RNF216: variants seen among roughly 807,000 people sequenced by gnomAD.
RNF216 encodes ring finger protein 216.
A neutral mutation model predicts 110.8 loss-of-function variants in RNF216; 72 were observed. The ratio of observed to expected loss-of-function variants is 0.65; its 90% confidence interval spans 0.54 to 0.79. The LOEUF is 0.79. RNF216 is among the 30% of genes least tolerant of loss of function. The pLI, the probability that RNF216 is intolerant of heterozygous loss-of-function variation, is 0.00. For missense variants in RNF216, 1,342 were observed against 1,141.2 expected, an observed-to-expected ratio of 1.18 and a Z score of -2.54; for synonymous variants, 495 against 407.5, an observed-to-expected ratio of 1.21 and a Z score of -2.59.
At chr7:5,643,439 C>T (rs1202098655) in intron 14 of RNF216, among the ~76,000 whole-genome samples, 1 of 151,572 alleles carries the variant, frequency 6.6e-6, no homozygotes, top group Non-Finnish European at 1.5e-5. Flanking sequence ...GAAGAGAAGC[C>T]GGAGCTGTGA....
chr7:5,711,990 G>C (rs1336529697), intron 12 of RNF216, 151 bp from the exon 13 acceptor site: 10 of 642,770 alleles, frequency 1.6e-5, no homozygotes, highest in Middle Eastern at 7.8e-4. Flanking sequence ...AACACAGATT[G>C]AACCTCTTCT....
intron 13 of RNF216, among the ~76,000 whole-genome samples, chr7:5,706,143 C>G (rs1372171545): frequency 3.3e-5 from 5 of 151,134 alleles, no homozygotes; most frequent in Non-Finnish European, 7.4e-5. Flanking sequence ...TCGCTTGCAC[C>G]CGGAAGGTGG....
intron 15 of RNF216, among the ~76,000 whole-genome samples, chr7:5,630,997 G>C (rs1448847725): frequency 6.6e-6 from 1 of 152,170 alleles, no homozygotes; most frequent in African/African-American, 2.4e-5. Context: ...GTCGGGCTGG[G>C]AGCGTGTGTC....
At chr7:5,684,870 A>T (rs1790878038) in intron 13 of RNF216, among the ~76,000 whole-genome samples, 1 of 150,698 alleles carries the variant, frequency 6.6e-6, no homozygotes, top group South Asian at 2.1e-4. Flanking sequence ...AATTTTCCCC[A>T]AGAAGGAAAG....
intron 13 of RNF216, among the ~76,000 whole-genome samples, chr7:5,653,637 A>C (rs1788543399): frequency 6.6e-6 from 1 of 151,870 alleles, no homozygotes; most frequent in African/African-American, 2.4e-5. Context: ...ATTAAAAAAA[A>C]ATGTTAATCC....
chr7:5,662,522 C>A (rs894886134), intron 13 of RNF216: 8 of 152,084 alleles, frequency 5.3e-5, no homozygotes, highest in African/African-American at 1.7e-4. Flanking sequence ...TGCTCTGGGT[C>A]GGTTTTGTTC....
intron 6 of RNF216, 96 bp from the exon 7 acceptor site, chr7:5,729,692 C>T (rs2128643221): frequency 9.3e-7 from 1 of 1,070,736 alleles, no homozygotes; most frequent in East Asian, 2.6e-5. Flanking sequence ...AAAAGAATAA[C>T]ATTTGTTCTA....
chr7:5,623,948 C>T, intron 16 of RNF216, 108 bp downstream of exon 16: 1 of 902,002 alleles, frequency 1.1e-6, no homozygotes, highest in Non-Finnish European at 1.7e-6. Flanking sequence ...GGACAGCACC[C>T]CCTCCTCTCC....
intron 13 of RNF216, among the ~76,000 whole-genome samples, chr7:5,663,406 C>G (rs145909845): frequency 2.6e-5 from 4 of 151,470 alleles, no homozygotes; most frequent in African/African-American, 9.7e-5. Context: ...CGGTGAAACC[C>G]CCGTCTCTAC....
intron 13 of RNF216, among the ~76,000 whole-genome samples, chr7:5,657,001 CTG>C (rs900503940): frequency 2.9e-4 from 44 of 152,380 alleles, no homozygotes; most frequent in Admixed American, 6.5e-4. Context: ...TCACCGGGTT[CTG>C]TGTTTGTTTC....
chr7:5,684,094 C>CTTTTTTTT (rs10608511), intron 13 of RNF216, among the ~76,000 whole-genome samples: 3 of 61,836 alleles, frequency 4.9e-5, no homozygotes, highest in Non-Finnish European at 8.4e-5. Context: ...GCTGGGCCTT[C>CTTTTTTTT]TTTTTTTTTT....
chr7:5,668,942 A>G (rs771416517), intron 13 of RNF216, among the ~76,000 whole-genome samples: 6 of 152,188 alleles, frequency 3.9e-5, no homozygotes, highest in Non-Finnish European at 8.8e-5. Flanking sequence ...ACCTTCACTC[A>G]TCCCCACAGG....
chr7:5,749,286 A>G (rs939810282), intron 3 of RNF216, among the ~76,000 whole-genome samples: 2 of 151,456 alleles, frequency 1.3e-5, no homozygotes, highest in Non-Finnish European at 2.9e-5. Flanking sequence ...GAGTAGCTGG[A>G]ATTACAGGCA....
chr7:5,741,503 G>C lies in RNF216; in HGVS notation c.514C>G (p.Pro172Ala). The C allele has an allele frequency of 6.2e-7, 1 of 1,614,154 alleles. No individual in the cohort carries two copies. Among genetic ancestry groups the C allele is most frequent in the Non-Finnish European group, 8.5e-7 (1 of 1,180,030 alleles). ...HNQAANDIVN[P>A]RSEQKVIILE... is the part of the protein sequence containing the mutation. The stretch of plus-strand genomic sequence containing the variant: ...ATGATGACTTTCTGCTCTGATCTGG[G>C]GTTGACAATGTCATTTGCTGCTTGG... The change falls in exon 4 of 17, where the codon CCC (proline) becomes GCC (alanine). Residue 172 changes from proline to alanine, a missense_variant. Physicochemically the swap from Pro to Ala is conservative, Grantham distance 27 (BLOSUM62 -1). Coordinates refer to ENST00000389902, the MANE Select transcript of RNF216 (RefSeq NM_207111.4).
chr7:5,652,330 A>G, intron 14 of RNF216, 83 bp downstream of exon 14: 1 of 990,126 alleles, frequency 1.0e-6, no homozygotes, highest in Non-Finnish European at 1.6e-6. Flanking sequence ...TTCTTCCGAC[A>G]ACAGTATGCC....
chr7:5,696,400 G>T lies in RNF216; in HGVS notation c.2061+15361C>A, dbSNP rs1791630608. ...TTTTTAAATGACTGGGAAAAAACTT[G>T]TGAAGGTTACATGGTTTCCTCCTTA... On this transcript the variant is annotated intron_variant, in intron 13 of 16. Coordinates refer to ENST00000389902, the MANE Select transcript of RNF216 (RefSeq NM_207111.4). The surrounding 1 kb of genome is among the most constrained non-coding windows in gnomAD (Gnocchi z 5.4). 6.6e-6 allele frequency among the ~76,000 whole-genome samples: 1 copy of T among 152,192 alleles called. No homozygotes were observed. Among genetic ancestry groups the T allele is most frequent in the African/African-American group, 2.4e-5 (1 of 41,438 alleles).
chr7:5,716,840 C>T, intron 9 of RNF216, 74 bp from the exon 10 acceptor site: 1 of 1,169,334 alleles, frequency 8.6e-7, no homozygotes, highest in Non-Finnish European at 1.3e-6. Flanking sequence ...TATTTATTTC[C>T]ATAAACATAA....
chr7:5,667,375 A>T (rs1789597942), intron 13 of RNF216, among the ~76,000 whole-genome samples: 1 of 152,244 alleles, frequency 6.6e-6, no homozygotes, highest in South Asian at 2.1e-4. Flanking sequence ...AAGTTTCTTT[A>T]AAAAGGCACC....
At chr7:5,714,911 T>C (rs1792945037) in intron 11 of RNF216, 142 bp downstream of exon 11, 1 of 621,868 alleles carries the variant, frequency 1.6e-6, no homozygotes, top group Non-Finnish European at 2.6e-6. Flanking sequence ...CATAATCACA[T>C]ACATCAGGTA....
Sources: allele counts gnomAD v4.1 joint callset (sites outside exome capture counted in the v4.1 genomes callset), GRCh38; gene constraint gnomAD v4.1.1; non-coding constraint Gnocchi (gnomAD v3.1); transcripts MANE v1.5; gene names NCBI Gene and HGNC (gene_info 2026-07-23, HGNC 2026-07-21).